RBPMS: variants seen among roughly 807,000 people sequenced by gnomAD.
RBPMS encodes RNA binding protein, mRNA processing factor, also known as RNA-binding protein with multiple splicing.
A neutral mutation model predicts 26.8 loss-of-function variants in RBPMS; 7 were observed. That is an observed-to-expected ratio of 0.26 (90% CI 0.15 to 0.49). RBPMS has a LOEUF of 0.49. Ranked by LOEUF, RBPMS falls within the 20% of genes least tolerant of loss-of-function variation. The pLI is 0.98. For missense variants in RBPMS, 186 were observed against 250.0 expected, an observed-to-expected ratio of 0.74 and a Z score of 1.73; for synonymous variants, 96 against 93.3, an observed-to-expected ratio of 1.03 and a Z score of -0.17.
intron 1 of RBPMS, among the ~76,000 whole-genome samples, chr8:30,471,183 A>T (rs1183624473): frequency 6.6e-6 from 1 of 152,114 alleles, no homozygotes; most frequent in South Asian, 2.1e-4. Context: ...TATAAGATAA[A>T]TTTTTTTCCT....
intron 1 of RBPMS, chr8:30,445,230 C>T (rs1283419678): frequency 1.3e-5 from 2 of 151,900 alleles, no homozygotes; most frequent in East Asian, 3.9e-4. Context: ...ACATATTTAC[C>T]CAGTCTAAGC....
At chr8:30,529,748 C>A (rs1013064814) in intron 5 of RBPMS, among the ~76,000 whole-genome samples, 8 of 145,920 alleles carry the variant, frequency 5.5e-5, no homozygotes, top group African/African-American at 2.0e-4. Flanking sequence ...ATTAGAACTT[C>A]ATCCTTTTTT....
chr8:30,539,291 A>G (rs1825131998), intron 5 of RBPMS, among the ~76,000 whole-genome samples: 1 of 152,194 alleles, frequency 6.6e-6, no homozygotes, highest in South Asian at 2.1e-4. Context: ...TAAAAGCCAG[A>G]CATAAAGACC....
intron 5 of RBPMS, among the ~76,000 whole-genome samples, chr8:30,511,592 T>C (rs1452293109): frequency 6.7e-6 from 1 of 148,806 alleles, no homozygotes; most frequent in African/African-American, 2.5e-5. Flanking sequence ...TGTATAGATA[T>C]ATATATTTGT....
intron 7 of RBPMS, among the ~76,000 whole-genome samples, chr8:30,559,645 A>G (rs1274117011): frequency 1.3e-5 from 2 of 152,172 alleles, no homozygotes; most frequent in African/African-American, 4.8e-5. Context: ...TCTAAACTCT[A>G]ATTTAGTATG....
chr8:30,423,186 A>G (rs1164812457), intron 1 of RBPMS, among the ~76,000 whole-genome samples: 1 of 152,186 alleles, frequency 6.6e-6, no homozygotes, highest in African/African-American at 2.4e-5. Context: ...CTCGCCTACC[A>G]GTTCTCTGTC....
chr8:30,418,449 T>A (rs1293528276), intron 1 of RBPMS, among the ~76,000 whole-genome samples: 50 of 152,216 alleles, frequency 3.3e-4, no homozygotes, highest in Non-Finnish European at 7.3e-5. Flanking sequence ...GTTTTGTATT[T>A]TTCTTATTAA....
chr8:30,385,042 C>T lies in RBPMS; in HGVS notation c.-51C>T. 2.1e-6 allele frequency: 3 copies of T among 1,437,080 alleles called. No homozygotes were observed. Among genetic ancestry groups the T allele is most frequent in the East Asian group, 6.2e-5 (2 of 32,176 alleles). The allele number at this position is 1,437,080 out of a possible 1,614,324, so 89.0% of individuals were successfully genotyped here. A position where few individuals can be genotyped will look rare whatever the true frequency, so the allele number is the denominator to read the frequency against. The stretch of plus-strand genomic sequence containing the variant: ...GCTCCAGTGGGCTAGCGCGCCCTCG[C>T]CCAGCCCCGCGCCCCAGCCCTGCCC... On this transcript the variant is annotated 5_prime_UTR_variant, in exon 1 of 9. Coordinates refer to ENST00000397323, the MANE Select transcript of RBPMS (RefSeq NM_001008710.3).
Position 30,566,355 on chromosome 8 carries a change from A to G in RBPMS, c.*106A>G. ...TCTAGCTGTTCTACAAAACTGGAGC[A>G]TGCTGGTGAGTAACAGTCAGGGCTG... On this transcript the variant is annotated 3_prime_UTR_variant, in exon 8 of 9. Coordinates refer to ENST00000397323, the MANE Select transcript of RBPMS (RefSeq NM_001008710.3). The G allele has an allele frequency of 1.1e-6, 1 of 883,254 alleles. No individual in the cohort carries two copies. The highest frequency in any genetic ancestry group is 1.3e-6 in the Non-Finnish European group (1 of 774,384). 54.7% of individuals were successfully genotyped at this position (883,254 alleles called of 1,614,324 possible).
intron 5 of RBPMS, among the ~76,000 whole-genome samples, chr8:30,513,662 C>T (rs1176432775): frequency 6.7e-6 from 1 of 148,564 alleles, no homozygotes; most frequent in Non-Finnish European, 1.5e-5. Context: ...TATTGTAATG[C>T]AAATAATTGC....
At chr8:30,563,761 T>C (rs1433644096) in intron 7 of RBPMS, among the ~76,000 whole-genome samples, 1 of 152,086 alleles carries the variant, frequency 6.6e-6, no homozygotes, top group Admixed American at 6.5e-5. Flanking sequence ...GCTTAGAGCT[T>C]AACAAGGAGG....
chr8:30,472,997 A>G (rs1421277667), intron 1 of RBPMS, among the ~76,000 whole-genome samples: 1 of 152,226 alleles, frequency 6.6e-6, no homozygotes, highest in Non-Finnish European at 1.5e-5. Context: ...TTTCATGTAT[A>G]TATTCATGGT....
At chr8:30,424,107 G>GGT (rs1250125431) in intron 1 of RBPMS, among the ~76,000 whole-genome samples, 3 of 152,156 alleles carry the variant, frequency 2.0e-5, no homozygotes, top group Non-Finnish European at 4.4e-5. Context: ...CAAAGTGCTG[G>GGT]GAACAGGCAT....
chr8:30,544,916 T>C (rs1183987236), intron 6 of RBPMS: 1 of 1,479,726 alleles, frequency 6.8e-7, no homozygotes, highest in African/African-American at 1.4e-5. Flanking sequence ...TCCACCTGGC[T>C]CCCAGCTAGC....
At chr8:30,566,743 A>T (rs1051244713) in intron 8 of RBPMS, among the ~76,000 whole-genome samples, 1 of 152,180 alleles carries the variant, frequency 6.6e-6, no homozygotes, top group African/African-American at 2.4e-5. Flanking sequence ...TTTTGTTGGA[A>T]ATCTGTTTCA....
intron 1 of RBPMS, among the ~76,000 whole-genome samples, chr8:30,462,778 GAGAC>G (rs1369487148): frequency 6.6e-6 from 1 of 152,072 alleles, no homozygotes; most frequent in Non-Finnish European, 1.5e-5. Context: ...AATATAAAGA[GAGAC>G]AGAGATTTTC....
chr8:30,501,566 G>T (rs980492738), intron 4 of RBPMS, among the ~76,000 whole-genome samples: 2 of 152,150 alleles, frequency 1.3e-5, no homozygotes, highest in Non-Finnish European at 2.9e-5. Context: ...TAGCCAGTCA[G>T]ATTGGGGTGC....
chr8:30,514,680 C>CTTGTTTTTTTTTTTT (rs1822104581), intron 5 of RBPMS, among the ~76,000 whole-genome samples: 2 of 82,650 alleles, frequency 2.4e-5, no homozygotes, highest in Admixed American at 1.2e-4. Context: ...CCATGCCGGG[C>CTTGTTTTTTTTTTTT]TTTTTTTTTT....
chr8:30,549,586 G>A, intron 6 of RBPMS: 1 of 1,613,114 alleles, frequency 6.2e-7, no homozygotes, highest in Non-Finnish European at 8.5e-7. Context: ...TTCCTGTTTG[G>A]TGAGGCTTTC....
Sources: allele counts gnomAD v4.1 joint callset (sites outside exome capture counted in the v4.1 genomes callset), GRCh38; gene constraint gnomAD v4.1.1; transcripts MANE v1.5; gene names NCBI Gene and HGNC (gene_info 2026-07-23, HGNC 2026-07-21).